PLEKHN1: variants seen among roughly 807,000 people sequenced by gnomAD.
The protein encoded by PLEKHN1 is pleckstrin homology domain-containing family N member 1.
A neutral mutation model predicts 72.8 loss-of-function variants in PLEKHN1; 68 were observed. That is an observed-to-expected ratio of 0.93 (90% CI 0.77 to 1.14). The LOEUF (loss-of-function observed/expected upper bound fraction) is 1.14, where lower values mean the gene tolerates loss of function less well. PLEKHN1 is among the 50% of genes most tolerant of loss of function. The pLI, the probability that PLEKHN1 is intolerant of heterozygous loss-of-function variation, is 0.00. For synonymous variants in PLEKHN1, 454 were observed against 371.6 expected, an observed-to-expected ratio of 1.22 and a Z score of -2.55; for missense variants, 1,015 against 840.5, an observed-to-expected ratio of 1.21 and a Z score of -2.57.
At chr1:972,463 A>G in intron 10 of PLEKHN1, 39 bp downstream of exon 10, 1 of 1,512,332 alleles carries the variant, frequency 6.6e-7, no homozygotes, top group East Asian at 2.4e-5. Context: ...GGTCCTGGGC[A>G]GTGGTAAAAA....
chr1:971,409 G>A lies in PLEKHN1; in HGVS notation c.789+5G>A. 1.3e-6 allele frequency: 2 copies of A among 1,571,334 alleles called. No individual in the cohort carries two copies. Among genetic ancestry groups the A allele is most frequent in the South Asian group, 1.2e-5 (1 of 85,804 alleles). ...CTGGACGGGCTTTGCTTCAAGGTGG[G>A]CCCCTCCCCACTGTGGGCCCGCCCC... On this transcript the variant is annotated splice_donor_5th_base_variant and intron_variant, in intron 8 of 15. Coordinates refer to ENST00000379410, the MANE Select transcript of PLEKHN1 (RefSeq NM_032129.3).
rs773713855 is a variant in PLEKHN1, at chr1:971,320, C to A, written c.709-4C>A. 6.4e-7 allele frequency: 1 copy of A among 1,571,320 alleles called. No individual in the cohort carries two copies. The highest frequency in any genetic ancestry group is 1.8e-5 in the Admixed American group (1 of 55,382). On this transcript the variant is annotated splice_region_variant and splice_polypyrimidine_tract_variant and intron_variant, in intron 7 of 15. Coordinates refer to ENST00000379410, the MANE Select transcript of PLEKHN1 (RefSeq NM_032129.3). ...ATCGCCTGACCCCACCCCCACCCAC[C>A]CAGGAGCAGTGGGACCGGCTCTTGG...
In PLEKHN1 at chr1:970,264, C is replaced by G. The variant is rs1449509998; in HGVS notation, c.184-13C>G. 1 of 1,612,188 alleles carries G rather than the reference C, an allele frequency of 6.2e-7. No individual in the cohort carries two copies. Among genetic ancestry groups the G allele is most frequent in the Non-Finnish European group, 8.5e-7 (1 of 1,179,534 alleles). Reference sequence around the variant, plus strand: ...CAGGGGAGGCCCCCTCCCCTGAGCTCTACTCCTCCTAGGACATCCTGGACC... The same window carrying G: ...CAGGGGAGGCCCCCTCCCCTGAGCTGTACTCCTCCTAGGACATCCTGGACC... On this transcript the variant is annotated splice_polypyrimidine_tract_variant and intron_variant, in intron 2 of 15. Transcript: ENST00000379410. This position sits in a 1 kb window ranked among gnomAD's most constrained non-coding sequence, Gnocchi z 4.2.
chr1:966,938 C>G (rs1481227535), intron 2 of PLEKHN1, 135 bp downstream of exon 2: 42 of 948,300 alleles, frequency 4.4e-5, no homozygotes, highest in Non-Finnish European at 6.4e-5. Context: ...GGAGCCGACG[C>G]TGACTGCCCC....
chr1:968,211 A>G (rs1302132035), intron 2 of PLEKHN1, among the ~76,000 whole-genome samples: 1 of 152,218 alleles, frequency 6.6e-6, no homozygotes, highest in Non-Finnish European at 1.5e-5. Flanking sequence ...AAGGCCGGGA[A>G]AGCCATGCGT....
rs1570047930 is a variant in PLEKHN1 at position 973,514 on chromosome 1, C to T, written c.1308C>T (p.Ser436=). The part of the protein sequence containing the change: ...HLDLTQLHRL[S]LESSPDAPDH... ...CTGCCCTGCAGCTGCACAGGCTGAG[C>T]CTGGAGAGCAGCCCAGATGCCCCTG... The change falls in exon 13 of 16, where the codon AGC becomes AGT. Residue 436 remains serine, a synonymous_variant. Transcript: ENST00000379410. The T allele has an allele frequency of 6.2e-7, 1 of 1,613,060 alleles. No individual in the cohort carries two copies. Among genetic ancestry groups the T allele is most frequent in the Non-Finnish European group, 8.5e-7 (1 of 1,179,956 alleles).
rs1324584727 is a variant in PLEKHN1, at chr1:974,832, G to A, written c.*257G>A. 16 of 523,234 alleles carry A rather than the reference G, an allele frequency of 3.1e-5. No homozygotes were observed. Among genetic ancestry groups the A allele is most frequent in the South Asian group, 5.1e-5 (2 of 39,298 alleles). The allele number at this position is 523,234 out of a possible 1,614,324, so 32.4% of individuals were successfully genotyped here. ...GTCACAGGTCAGGGAGGTCCTGGCCGTCCACAGGGTCGGCCCTCAGCTCAG... is the reference window on the plus strand; with the variant it reads ...GTCACAGGTCAGGGAGGTCCTGGCCATCCACAGGGTCGGCCCTCAGCTCAG... On this transcript the variant is annotated 3_prime_UTR_variant, in exon 16 of 16. Coordinates refer to ENST00000379410, the MANE Select transcript of PLEKHN1 (RefSeq NM_032129.3).
chr1:971,899 G>A (rs1381380260), intron 8 of PLEKHN1, among the ~76,000 whole-genome samples, 176 bp from the exon 9 acceptor site: 2 of 151,142 alleles, frequency 1.3e-5, no homozygotes, highest in Non-Finnish European at 2.9e-5. Context: ...CCCGCGCCAG[G>A]GTTGGTGGTA....
intron 2 of PLEKHN1, among the ~76,000 whole-genome samples, chr1:967,381 C>A (rs983754841): frequency 7.9e-5 from 12 of 151,924 alleles, no homozygotes; most frequent in African/African-American, 2.9e-4. Context: ...TGCCCACCCC[C>A]CCCCCAGCCC....
intron 12 of PLEKHN1, 63 bp from the exon 13 acceptor site, chr1:973,437 G>A: frequency 1.3e-6 from 2 of 1,592,264 alleles, no homozygotes; most frequent in Non-Finnish European, 1.7e-6. Context: ...CTCTTGCACA[G>A]AGAAGGGGTG....
rs920972272 is a variant in PLEKHN1 at position 972,281 on chromosome 1, A to G, written c.866-7A>G. 8.1e-6 allele frequency: 13 copies of G among 1,609,972 alleles called. No individual in the cohort carries two copies. The highest frequency in any genetic ancestry group is 6.7e-5 in the East Asian group (3 of 44,808). On this transcript the variant is annotated splice_polypyrimidine_tract_variant and splice_region_variant and intron_variant, in intron 9 of 15. Transcript: ENST00000379410. ...CCCGCCAGCCCCTCACAGCATCTGTATGCCAGGCCCCCTCATCAACACCAT... is the reference window on the plus strand; with the variant it reads ...CCCGCCAGCCCCTCACAGCATCTGTGTGCCAGGCCCCCTCATCAACACCAT...
At chr1:969,808 T>C (rs1225650805) in intron 2 of PLEKHN1, among the ~76,000 whole-genome samples, 2 of 152,166 alleles carry the variant, frequency 1.3e-5, no homozygotes, top group East Asian at 1.9e-4. Flanking sequence ...TGTGTATGTG[T>C]GCGCATATAT....
At chr1:966,970 C>G (rs563119340) in intron 2 of PLEKHN1, among the ~76,000 whole-genome samples, 167 bp downstream of exon 2, 4 of 152,196 alleles carry the variant, frequency 2.6e-5, no homozygotes, top group South Asian at 4.1e-4. Flanking sequence ...CTCATCCGGC[C>G]GAAAGTCTGA....
rs757523916 is a variant in PLEKHN1, at chr1:972,133, G to A, written c.848G>A (p.Arg283His). The change falls in exon 9 of 16, where the codon CGC (arginine) becomes CAC (histidine). Residue 283 changes from arginine to histidine, a missense_variant. Physicochemically the swap from Arg to His is conservative, Grantham distance 29. Transcript: ENST00000379410. The stretch of plus-strand genomic sequence containing the variant: ...CTGGAGGAGAAGGAGAAGCAGATCC[G>A]CTCCTTCCTGATTGAAGGTAGGGCC... ...INLEEKEKQI[R>H]SFLIEGPLIN... is the part of the protein sequence containing the mutation. 15 of 1,613,050 alleles carry A rather than the reference G, an allele frequency of 9.3e-6. No homozygotes were observed. The Admixed American group carries it at 1.2e-4, about 13-fold the overall frequency.
intron 11 of PLEKHN1, 72 bp downstream of exon 11, chr1:973,082 G>C: frequency 6.5e-7 from 1 of 1,527,562 alleles, no homozygotes; most frequent in South Asian, 1.2e-5. Flanking sequence ...GGGGACCCTG[G>C]TTCCTCAGGG....
At chr1:967,045 G>A (rs552486718) in intron 2 of PLEKHN1, among the ~76,000 whole-genome samples, 57 of 152,304 alleles carry the variant, frequency 3.7e-4, no homozygotes, top group African/African-American at 1.3e-3. Context: ...GGCGGGCCGC[G>A]GGCGGGGCCT....
At chr1:974,187 A>C in intron 14 of PLEKHN1, 129 bp from the exon 15 acceptor site, 3 of 1,497,204 alleles carry the variant, frequency 2.0e-6, no homozygotes, top group Non-Finnish European at 1.8e-6. Flanking sequence ...GGGGGCCAGT[A>C]GGGAGTTGGG....
chr1:966,661 C>T, intron 1 of PLEKHN1, 43 bp from the exon 2 acceptor site: 1 of 1,586,404 alleles, frequency 6.3e-7, no homozygotes, highest in East Asian at 2.3e-5. Context: ...GCTCCCCCAC[C>T]CGCTCCGGGG....
intron 8 of PLEKHN1, among the ~76,000 whole-genome samples, chr1:971,793 G>A (rs1030446859): frequency 6.6e-6 from 1 of 150,738 alleles, no homozygotes; most frequent in South Asian, 2.1e-4. Flanking sequence ...CAAACACAGG[G>A]CCCTCCCCAT....
Sources: allele counts gnomAD v4.1 joint callset (sites outside exome capture counted in the v4.1 genomes callset), GRCh38; gene constraint gnomAD v4.1.1; non-coding constraint Gnocchi (gnomAD v3.1); transcripts MANE v1.5; gene names NCBI Gene and HGNC (gene_info 2026-07-23, HGNC 2026-07-21).